Variants in ZSCAN25 observed in about 807,000 individuals in gnomAD.
ZSCAN25 encodes zinc finger and SCAN domain-containing protein 25.
In ZSCAN25, 27 loss-of-function variants were observed where a neutral mutation model predicts 38.7. The ratio of observed to expected loss-of-function variants is 0.70; its 90% CI spans 0.51 to 0.96. The LOEUF (loss-of-function observed/expected upper bound fraction) is 0.96, where lower values mean the gene tolerates loss of function less well. ZSCAN25 is among the 40% of genes least tolerant of loss of function. The probability of loss-of-function intolerance (pLI) is 0.00; values close to 1 mark genes in which losing one functional copy is unlikely to be tolerated. For synonymous variants in ZSCAN25, 273 were observed against 277.7 expected, an observed-to-expected ratio of 0.98 and a Z score of 0.17; for missense variants, 637 against 705.9, an observed-to-expected ratio of 0.90 and a Z score of 1.11.
At chr7:99,685,377 A>G in the ZSCAN25 span, 2 of 1,061,130 alleles carry the variant, frequency 1.9e-6, no homozygotes, top group African/African-American at 3.2e-5. Flanking sequence ...TCAGGGAGGT[A>G]AAGCAAGACA....
the ZSCAN25 span, among the ~76,000 whole-genome samples, chr7:99,640,727 C>T: frequency 6.6e-6 from 1 of 152,082 alleles, no homozygotes; most frequent in South Asian, 2.1e-4. Flanking sequence ...CAACGCATTC[C>T]CAGGATCAAT....
At chr7:99,627,671 C>T (rs1440974649) in intron 7 of ZSCAN25, among the ~76,000 whole-genome samples, 3 of 149,138 alleles carry the variant, frequency 2.0e-5, no homozygotes, top group Non-Finnish European at 3.0e-5. Context: ...ATACTATATA[C>T]GTATATCATG....
the ZSCAN25 span, among the ~76,000 whole-genome samples, chr7:99,707,376 A>G: frequency 2.6e-5 from 4 of 152,222 alleles, no homozygotes; most frequent in Non-Finnish European, 5.9e-5. Flanking sequence ...ATGAATTTTT[A>G]AAGCTCCCTG....
At chr7:99,698,250 G>C in the ZSCAN25 span, among the ~76,000 whole-genome samples, 1 of 152,118 alleles carries the variant, frequency 6.6e-6, no homozygotes, top group Admixed American at 6.5e-5. Context: ...CTGGCTGCCC[G>C]AGTCTGTAGT....
intron 6 of ZSCAN25, among the ~76,000 whole-genome samples, chr7:99,623,422 T>G (rs1019257458): frequency 4.6e-5 from 7 of 152,118 alleles, no homozygotes; most frequent in Non-Finnish European, 8.8e-5. Flanking sequence ...TTCCACAGGG[T>G]GCTGAGCACT....
chr7:99,677,588 CTTA>C, the ZSCAN25 span, among the ~76,000 whole-genome samples: 1 of 152,200 alleles, frequency 6.6e-6, no homozygotes, highest in African/African-American at 2.4e-5. Flanking sequence ...CATCCAGTGA[CTTA>C]TAAAATGTGA....
Position 99,630,242 on chromosome 7 carries a change from G to A in ZSCAN25, c.*222G>A. On this transcript the variant is annotated 3_prime_UTR_variant, in exon 8 of 8. Transcript: ENST00000394152. Reference sequence around the variant, plus strand: ...ACAATTTTTCTTCCAATGTTTGAGGGAAGCAGTCTCCTGCGGTTCAGTTCA... The same window carrying A: ...ACAATTTTTCTTCCAATGTTTGAGGAAAGCAGTCTCCTGCGGTTCAGTTCA... The A allele has an allele frequency of 1.5e-6, 2 of 1,347,536 alleles. No individual in the cohort carries two copies. Among genetic ancestry groups the A allele is most frequent in the Non-Finnish European group, 1.9e-6 (2 of 1,054,810 alleles). 83.5% of individuals were successfully genotyped at this position (1,347,536 alleles called of 1,614,324 possible).
chr7:99,686,724 T>A, the ZSCAN25 span, among the ~76,000 whole-genome samples: 1 of 151,204 alleles, frequency 6.6e-6, no homozygotes, highest in Non-Finnish European at 1.5e-5. Flanking sequence ...TGGGTCCCTG[T>A]CCCCTGAGCA....
chr7:99,679,229 A>ATG, the ZSCAN25 span, among the ~76,000 whole-genome samples: 1 of 151,918 alleles, frequency 6.6e-6, no homozygotes, highest in East Asian at 1.9e-4. Flanking sequence ...GAGGGAGGGG[A>ATG]TTTTCAGGGG....
chr7:99,711,107 A>G, the ZSCAN25 span, among the ~76,000 whole-genome samples: 6 of 152,208 alleles, frequency 3.9e-5, no homozygotes, highest in Non-Finnish European at 7.3e-5. Context: ...AATGTCTTCA[A>G]GAACGTAGAC....
the ZSCAN25 span, among the ~76,000 whole-genome samples, chr7:99,639,019 C>A: frequency 2.0e-5 from 3 of 152,214 alleles, no homozygotes; most frequent in Admixed American, 1.3e-4. Flanking sequence ...GAGGCACGGC[C>A]CGGCTGTCCT....
chr7:99,648,934 A>T, the ZSCAN25 span, among the ~76,000 whole-genome samples: 1 of 152,152 alleles, frequency 6.6e-6, no homozygotes, highest in South Asian at 2.1e-4. Flanking sequence ...TTTTCTTTTT[A>T]ACATCTCCTC....
the ZSCAN25 span, among the ~76,000 whole-genome samples, chr7:99,651,156 G>T: frequency 2.6e-5 from 4 of 152,136 alleles, no homozygotes; most frequent in Non-Finnish European, 5.9e-5. Flanking sequence ...TGGATTGATG[G>T]CTGTTGGAAC....
chr7:99,622,500 A>G lies in ZSCAN25; in HGVS notation c.590-49A>G, dbSNP rs747824547. ...ACACATTTGAACGAGCTAACAGCAT[A>G]ACATCACTGATCCTTCTGATCTTTC... On this transcript the variant is annotated intron_variant, in intron 5 of 7. Coordinates refer to ENST00000394152, the MANE Select transcript of ZSCAN25 (RefSeq NM_145115.3). 6 of 1,562,968 alleles carry G rather than the reference A, an allele frequency of 3.8e-6. No homozygotes were observed. In the Admixed American group the frequency reaches 1.0e-4, roughly 26 times the overall value.
the ZSCAN25 span, chr7:99,674,473 C>T: frequency 7.4e-7 from 1 of 1,358,928 alleles, no homozygotes; most frequent in Non-Finnish European, 1.0e-6. Flanking sequence ...GACTATCCTG[C>T]AGTGGGGTAA....
At chr7:99,624,437 T>A (rs1490551699) in intron 7 of ZSCAN25, 1 of 492,330 alleles carries the variant, frequency 2.0e-6, no homozygotes, top group African/African-American at 1.9e-5. Flanking sequence ...CCCAAACACC[T>A]ACATTGTGTC....
At chr7:99,667,093 C>T in the ZSCAN25 span, 6 of 1,592,664 alleles carry the variant, frequency 3.8e-6, no homozygotes, top group African/African-American at 1.3e-5. Flanking sequence ...CATTTTTTCT[C>T]ACATTAGTTG....
chr7:99,621,501 A>G lies in ZSCAN25; in HGVS notation c.516A>G (p.Gln172=), dbSNP rs746401187. The G allele has an allele frequency of 1.3e-6, 2 of 1,578,426 alleles. No individual in the cohort carries two copies. Among genetic ancestry groups the G allele is most frequent in the African/African-American group, 1.3e-5 (1 of 74,142 alleles). Residue 172 remains glutamine, a synonymous_variant, in exon 5 of 8, where the codon CAA becomes CAG. Transcript: ENST00000394152. ...EWGMPPGEGV[Q]GPDPGTEEQL... is the part of the protein sequence containing the mutation. ...GGATGCCCCCTGGGGAAGGAGTTCA[A>G]GGTCCAGACCCAGGTACCGAGGAGC...
At chr7:99,729,046 A>G in the ZSCAN25 span, among the ~76,000 whole-genome samples, 2 of 152,296 alleles carry the variant, frequency 1.3e-5, no homozygotes, top group African/African-American at 2.4e-5. Context: ...GACAATATAA[A>G]AAAGCTTAAA....
Sources: gnomAD v4.1 joint callset for allele counts (sites outside exome capture counted in the v4.1 genomes callset) on GRCh38, gnomAD v4.1.1 for gene constraint, MANE v1.5 for transcripts, NCBI Gene and HGNC (gene_info 2026-07-23, HGNC 2026-07-21) for gene names.